The following SGCZ variants were observed in gnomAD, a reference collection of about 807,000 sequenced individuals.
The protein encoded by SGCZ is zeta-sarcoglycan.
In SGCZ, 40 loss-of-function variants were observed where a neutral mutation model predicts 41.3. The observed-to-expected ratio is 0.97, with a 90% CI of 0.75 to 1.26. The LOEUF (loss-of-function observed/expected upper bound fraction) is 1.26, where lower values mean the gene tolerates loss of function less well. Ranked by LOEUF, SGCZ falls within the 50% of genes most tolerant of loss-of-function variation. SGCZ has a pLI of 0.00. For missense variants in SGCZ, 552 were observed against 369.8 expected, an observed-to-expected ratio of 1.49 and a Z score of -4.04; for synonymous variants, 206 against 137.5, an observed-to-expected ratio of 1.50 and a Z score of -3.49.
rs1403240659 is a variant in SGCZ, at chr8:14,879,465, A to C, written c.40-324539T>G. Among the ~76,000 whole-genome samples the C allele has an allele frequency of 2.6e-5, 4 of 152,096 alleles. No homozygotes were observed. The East Asian group carries it at 7.7e-4, about 29-fold the overall frequency. ...TATATAACTAGCCAAGCTTTTTTTG[A>C]ATATTTTAAAATTGACACTCTTGGG... On this transcript the variant is annotated intron_variant, in intron 1 of 7. Transcript: ENST00000382080.
At chr8:14,825,910 C>T (rs1165679421) in intron 1 of SGCZ, among the ~76,000 whole-genome samples, 1 of 152,128 alleles carries the variant, frequency 6.6e-6, no homozygotes, top group African/African-American at 2.4e-5. Flanking sequence ...GAATGACACT[C>T]TCTTGTATAC....
At chr8:14,138,129 C>A (rs529759542) in intron 5 of SGCZ, among the ~76,000 whole-genome samples, 1 of 152,142 alleles carries the variant, frequency 6.6e-6, no homozygotes, top group Non-Finnish European at 1.5e-5. Flanking sequence ...CAAGCAAATG[C>A]TGACAGATTT....
intron 2 of SGCZ, among the ~76,000 whole-genome samples, chr8:14,421,579 A>T (rs993233292): frequency 1.3e-5 from 2 of 152,086 alleles, no homozygotes; most frequent in African/African-American, 4.8e-5. Flanking sequence ...CAATCAACCT[A>T]TGGTGGAATG....
At chr8:14,283,042 G>T (rs1800503421) in intron 3 of SGCZ, among the ~76,000 whole-genome samples, 1 of 150,668 alleles carries the variant, frequency 6.6e-6, no homozygotes, top group South Asian at 2.1e-4. Flanking sequence ...GTAGAGACGG[G>T]GTTTCACCGT....
chr8:14,147,034 A>T (rs1803549407), intron 5 of SGCZ, among the ~76,000 whole-genome samples: 1 of 151,922 alleles, frequency 6.6e-6, no homozygotes, highest in African/African-American at 2.4e-5. Context: ...TATCAGTGTT[A>T]AGTTCTTATC....
rs1320436307 is a variant in SGCZ at position 14,088,363 on chromosome 8, C to T, written c.*2080G>A. On this transcript the variant is annotated 3_prime_UTR_variant, in exon 8 of 8. Transcript: ENST00000382080. ...AATCAAAAGAATTATTCCCATTTGA[C>T]TTAGAAAGTTTCTAATTGTTTTAAT... Among the ~76,000 whole-genome samples, 1 of 151,786 alleles carries T rather than the reference C, an allele frequency of 6.6e-6. No homozygotes were observed. Among genetic ancestry groups the T allele is most frequent in the Non-Finnish European group, 1.5e-5 (1 of 67,826 alleles).
chr8:15,196,708 G>A (rs268367), intron 1 of SGCZ, among the ~76,000 whole-genome samples: 142,754 of 152,228 alleles, frequency 0.94, 67,119 homozygotes, highest in Non-Finnish European at 0.97. Context: ...ATATGTATAC[G>A]TGTGCCATGC....
At chr8:14,834,794 G>A (rs145639654) in intron 1 of SGCZ, among the ~76,000 whole-genome samples, 2 of 152,156 alleles carry the variant, frequency 1.3e-5, no homozygotes, top group African/African-American at 4.8e-5. Context: ...AAAGAGCACA[G>A]AACTTTGTGA....
At chr8:14,976,836 A>T (rs1014585317) in intron 1 of SGCZ, among the ~76,000 whole-genome samples, 5 of 152,238 alleles carry the variant, frequency 3.3e-5, no homozygotes, top group African/African-American at 1.2e-4. Flanking sequence ...CAACCAAAAA[A>T]GTGTAGATAG....
rs117227231 is a variant in SGCZ at position 14,842,688 on chromosome 8, T to C, written c.40-287762A>G. On this transcript the variant is annotated intron_variant, in intron 1 of 7. Transcript: ENST00000382080. ...TTATGTAAAGAGTAACAGAAACTTTTGAAATGCTTTAAGCCCTGGAAGTTA... is the reference window on the plus strand; with the variant it reads ...TTATGTAAAGAGTAACAGAAACTTTCGAAATGCTTTAAGCCCTGGAAGTTA... Among the ~76,000 whole-genome samples the C allele has an allele frequency of 4.7e-3, 721 of 152,298 alleles. 8 individuals are homozygous for C. Among genetic ancestry groups the C allele is most frequent in the South Asian group, 0.022 (104 of 4,828 alleles).
rs1799821582 is a variant in SGCZ at position 14,928,301 on chromosome 8, T to C, written c.39+309284A>G. ...CATACGCCATGGAATTTCTCATTCATACTCAACGTCAAATATGCTAGCCTT... is the reference window on the plus strand; with the variant it reads ...CATACGCCATGGAATTTCTCATTCACACTCAACGTCAAATATGCTAGCCTT... On this transcript the variant is annotated intron_variant, in intron 1 of 7. Transcript: ENST00000382080. Among the ~76,000 whole-genome samples, 3 of 152,342 alleles carry C rather than the reference T, an allele frequency of 2.0e-5. No individual in the cohort carries two copies. In the South Asian group the frequency reaches 6.2e-4, roughly 32 times the overall value.
chr8:14,583,072 AG>A (rs1804945528), intron 1 of SGCZ, among the ~76,000 whole-genome samples: 1 of 150,274 alleles, frequency 6.7e-6, no homozygotes, highest in Admixed American at 6.6e-5. Context: ...TAGATCCCTG[AG>A]GAATCGCCAC....
At chr8:14,400,945 T>C (rs1216254682) in intron 2 of SGCZ, among the ~76,000 whole-genome samples, 4 of 152,190 alleles carry the variant, frequency 2.6e-5, no homozygotes, top group Non-Finnish European at 5.9e-5. Context: ...TTGTTAAATA[T>C]GTTTCAAACA....
intron 2 of SGCZ, among the ~76,000 whole-genome samples, chr8:14,426,289 G>A (rs1446709214): frequency 6.6e-6 from 1 of 152,090 alleles, no homozygotes; most frequent in Non-Finnish European, 1.5e-5. Context: ...AAAACAAGGA[G>A]GGTGATTAGG....
At chr8:14,206,823 G>C (rs1232646548) in intron 4 of SGCZ, among the ~76,000 whole-genome samples, 1 of 152,016 alleles carries the variant, frequency 6.6e-6, no homozygotes, top group African/African-American at 2.4e-5. Flanking sequence ...TGTCATTTTA[G>C]GCAGTTGCAT....
chr8:14,112,468 C>A (rs1802405847), intron 5 of SGCZ, among the ~76,000 whole-genome samples: 1 of 152,036 alleles, frequency 6.6e-6, no homozygotes, highest in Non-Finnish European at 1.5e-5. Flanking sequence ...TTTTCTAGAT[C>A]TCAAGGAACA....
intron 1 of SGCZ, among the ~76,000 whole-genome samples, chr8:14,836,905 G>A (rs561557604): frequency 3.9e-5 from 6 of 152,284 alleles, no homozygotes; most frequent in South Asian, 2.1e-4. Context: ...AGTCCAGAAT[G>A]TCATCTTGTA....
chr8:14,310,823 G>C (rs957373667), intron 3 of SGCZ, among the ~76,000 whole-genome samples: 2 of 152,042 alleles, frequency 1.3e-5, no homozygotes, highest in Non-Finnish European at 2.9e-5. Flanking sequence ...GAAATATGGT[G>C]GTAATAGAAA....
At chr8:14,184,895 T>C (rs952506998) in intron 4 of SGCZ, among the ~76,000 whole-genome samples, 2 of 152,208 alleles carry the variant, frequency 1.3e-5, no homozygotes, top group African/African-American at 2.4e-5. Context: ...ATTTAGTATC[T>C]TATAAAATAT....
Sources: allele counts gnomAD v4.1 joint callset (sites outside exome capture counted in the v4.1 genomes callset), GRCh38; gene constraint gnomAD v4.1.1; transcripts MANE v1.5; gene names NCBI Gene and HGNC (gene_info 2026-07-23, HGNC 2026-07-21).